LDLRAD3: variants seen among roughly 807,000 people sequenced by gnomAD.
LDLRAD3 encodes low density lipoprotein receptor class A domain containing 3.
Under a neutral mutation model 29.4 loss-of-function variants are expected in LDLRAD3, and 20 were observed. That is an observed-to-expected ratio of 0.68 (90% CI 0.48 to 0.99). The LOEUF is 0.99. Among genes scored for constraint, LDLRAD3 ranks in the 50% least tolerant of loss-of-function variants. LDLRAD3 has a pLI of 0.00. For synonymous variants in LDLRAD3, 157 were observed against 192.7 expected (o/e 0.81, Z 1.53); for missense variants, 420 against 454.3 (o/e 0.92, Z 0.69).
chr11:36,220,037 A>C (rs567129348), intron 4 of LDLRAD3, among the ~76,000 whole-genome samples: 1 of 152,368 alleles, frequency 6.6e-6, no homozygotes, highest in East Asian at 1.9e-4. Flanking sequence ...ATTAAAGAAG[A>C]TAAGCTGTGG....
chr11:36,210,579 C>T (rs1855271172), intron 4 of LDLRAD3, among the ~76,000 whole-genome samples: 5 of 152,130 alleles, frequency 3.3e-5, no homozygotes, highest in Admixed American at 3.3e-4. Flanking sequence ...TGACCCACTG[C>T]CCAGGAGGCC....
chr11:36,187,621 CAA>C (rs969739929), intron 4 of LDLRAD3, among the ~76,000 whole-genome samples: 18 of 152,162 alleles, frequency 1.2e-4, no homozygotes, highest in African/African-American at 4.3e-4. Flanking sequence ...TGGACTCCCC[CAA>C]AAGAGTTTCA....
chr11:36,136,066 C>T (rs1853999549), intron 4 of LDLRAD3, among the ~76,000 whole-genome samples: 1 of 152,186 alleles, frequency 6.6e-6, no homozygotes, highest in African/African-American at 2.4e-5. Context: ...ATTATTCCTT[C>T]AGGATAAGAT....
chr11:36,185,714 T>A lies in LDLRAD3; in HGVS notation c.455-41371T>A, dbSNP rs7110901. 8.7e-4 allele frequency among the ~76,000 whole-genome samples: 133 copies of A among 152,220 alleles called. 2 individuals are homozygous for A. The South Asian group carries it at 0.026, about 30-fold the overall frequency. On this transcript the variant is annotated intron_variant, in intron 4 of 5. Coordinates refer to ENST00000315571, the MANE Select transcript of LDLRAD3 (RefSeq NM_174902.4). ...GCCTCTCTTTACCACATTATTGCTC[T>A]CCCTTCACTCTGCTTCTGAAAGTCA...
At chr11:36,114,233 C>T (rs1352737142) in intron 4 of LDLRAD3, among the ~76,000 whole-genome samples, 1 of 152,170 alleles carries the variant, frequency 6.6e-6, no homozygotes, top group Admixed American at 6.5e-5. Context: ...TTCACACAGC[C>T]TGAGAGAGAA....
intron 4 of LDLRAD3, among the ~76,000 whole-genome samples, chr11:36,144,454 G>A (rs1365142895): frequency 1.3e-5 from 2 of 149,280 alleles, no homozygotes; most frequent in African/African-American, 4.9e-5. Context: ...GAGTGTCTCT[G>A]CCCGGCCGCC....
chr11:36,083,501 T>A (rs964725367), intron 3 of LDLRAD3, among the ~76,000 whole-genome samples: 2 of 152,244 alleles, frequency 1.3e-5, no homozygotes, highest in East Asian at 1.9e-4. Flanking sequence ...GAGAATTAGA[T>A]GAAATAATAA....
At chr11:36,029,805 A>G (rs1852213120) in intron 1 of LDLRAD3, among the ~76,000 whole-genome samples, 1 of 152,162 alleles carries the variant, frequency 6.6e-6, no homozygotes, top group Non-Finnish European at 1.5e-5. Flanking sequence ...TTACCCTTGT[A>G]GGAGAAACAA....
intron 2 of LDLRAD3, among the ~76,000 whole-genome samples, chr11:36,060,279 G>A (rs933809642): frequency 2.6e-4 from 40 of 151,596 alleles, no homozygotes; most frequent in African/African-American, 8.5e-4. Context: ...GCGTGAACCC[G>A]GGAGGCGGAG....
At chr11:35,997,585 TC>T in intron 1 of LDLRAD3, 1 of 290,930 alleles carries the variant, frequency 3.4e-6, no homozygotes. Flanking sequence ...AGAGGGCCAA[TC>T]TTGGGGGCCA....
At chr11:36,091,394 G>A (rs747208541) in intron 3 of LDLRAD3, among the ~76,000 whole-genome samples, 7 of 152,126 alleles carry the variant, frequency 4.6e-5, no homozygotes, top group Admixed American at 6.5e-5. Context: ...TTGGGAGACC[G>A]CAGTGGTCCC....
chr11:36,214,912 G>C (rs1056246597), intron 4 of LDLRAD3, among the ~76,000 whole-genome samples: 1 of 152,200 alleles, frequency 6.6e-6, no homozygotes. Flanking sequence ...GGGATTCAGG[G>C]ATGAGCAAGC....
At chr11:35,984,662 G>A (rs532581181) in intron 1 of LDLRAD3, among the ~76,000 whole-genome samples, 3 of 152,218 alleles carry the variant, frequency 2.0e-5, no homozygotes, top group African/African-American at 4.8e-5. Context: ...ATGGAGTTTC[G>A]CTCTTGTTGC....
chr11:36,156,727 CAAAG>C (rs1323587608), intron 4 of LDLRAD3, among the ~76,000 whole-genome samples: 1 of 151,722 alleles, frequency 6.6e-6, no homozygotes, highest in African/African-American at 2.4e-5. Flanking sequence ...CAGAAAATGA[CAAAG>C]AAGGAAGATC....
At chr11:36,062,340 G>C (rs1458988355) in intron 2 of LDLRAD3, among the ~76,000 whole-genome samples, 1 of 152,160 alleles carries the variant, frequency 6.6e-6, no homozygotes, top group African/African-American at 2.4e-5. Flanking sequence ...AACCTCAAAA[G>C]TATTGACATT....
At chr11:35,975,882 G>C (rs1278885286) in intron 1 of LDLRAD3, among the ~76,000 whole-genome samples, 3 of 150,890 alleles carry the variant, frequency 2.0e-5, no homozygotes, top group African/African-American at 4.9e-5. Context: ...AGAGTTGTCA[G>C]TTGTGTTTGG....
chr11:35,954,593 T>G (rs1382907785), intron 1 of LDLRAD3, among the ~76,000 whole-genome samples: 2 of 152,202 alleles, frequency 1.3e-5, no homozygotes, highest in Non-Finnish European at 1.5e-5. Context: ...AGAGTCAGAC[T>G]AAGCCATGGT....
intron 4 of LDLRAD3, among the ~76,000 whole-genome samples, chr11:36,218,465 G>T (rs1027985679): frequency 6.6e-6 from 1 of 152,214 alleles, no homozygotes; most frequent in Non-Finnish European, 1.5e-5. Flanking sequence ...ATTGCAAAAA[G>T]ACTAGAGTCC....
chr11:36,168,374 T>C (rs1484982091), intron 4 of LDLRAD3, among the ~76,000 whole-genome samples: 1 of 151,970 alleles, frequency 6.6e-6, no homozygotes, highest in Non-Finnish European at 1.5e-5. Flanking sequence ...CAATACGGGG[T>C]GAGGGTTAGA....
Sources: allele counts gnomAD v4.1 joint callset (sites outside exome capture counted in the v4.1 genomes callset), GRCh38; gene constraint gnomAD v4.1.1; transcripts MANE v1.5; gene names NCBI Gene and HGNC (gene_info 2026-07-23, HGNC 2026-07-21).